Variants in ZC3H12B observed in about 807,000 individuals in gnomAD.
ZC3H12B encodes probable ribonuclease ZC3H12B.
A neutral mutation model predicts 43.9 loss-of-function variants in ZC3H12B; 7 were observed. That is an observed-to-expected ratio of 0.16 (90% CI 0.09 to 0.30). ZC3H12B has a LOEUF of 0.30. ZC3H12B is among the 10% of genes least tolerant of loss of function. ZC3H12B has a pLI of 1.00. For synonymous variants in ZC3H12B, 222 were observed against 241.7 expected, an observed-to-expected ratio of 0.92 and a Z score of 0.76; for missense variants, 475 against 670.2, an observed-to-expected ratio of 0.71 and a Z score of 3.22.
chrX:65,073,558 C>T, the ZC3H12B span, among the ~76,000 whole-genome samples: 2 of 111,893 alleles, frequency 1.8e-5, no homozygotes, highest in Admixed American at 1.9e-4. Context: ...TATGACAGTT[C>T]CCCTAGAGCT....
At chrX:65,357,986 G>C in the ZC3H12B span, among the ~76,000 whole-genome samples, 2 of 104,931 alleles carry the variant, frequency 1.9e-5, no homozygotes, top group Admixed American at 2.0e-4. Flanking sequence ...CAAAATAAAG[G>C]AATGGATGAA....
chrX:65,297,928 A>G, the ZC3H12B span, among the ~76,000 whole-genome samples: 1 of 112,018 alleles, frequency 8.9e-6, no homozygotes, highest in African/African-American at 3.2e-5. Flanking sequence ...GGGTGCTGGG[A>G]TAATTGGCAA....
At chrX:65,186,222 G>A in the ZC3H12B span, 2 of 111,335 alleles carry the variant, frequency 1.8e-5, no homozygotes, top group African/African-American at 6.5e-5. Context: ...GCTGGGTGCA[G>A]TGGCTCACAC....
chrX:65,213,134 A>C, the ZC3H12B span, among the ~76,000 whole-genome samples: 1 of 108,696 alleles, frequency 9.2e-6, no homozygotes, highest in Non-Finnish European at 1.9e-5. Flanking sequence ...TTTTCTGTGC[A>C]TATATTATAA....
chrX:65,081,962 A>T, the ZC3H12B span, among the ~76,000 whole-genome samples: 2 of 112,156 alleles, frequency 1.8e-5, no homozygotes, highest in African/African-American at 6.5e-5. Flanking sequence ...AATCGATAAC[A>T]AGAGGAATTT....
chrX:65,387,467 G>T (rs760086841), intron 2 of ZC3H12B, among the ~76,000 whole-genome samples: 26 of 111,480 alleles, frequency 2.3e-4, no homozygotes, highest in African/African-American at 8.1e-4. Context: ...TGTAACCCCT[G>T]CCTTTTTCTG....
the ZC3H12B span, among the ~76,000 whole-genome samples, chrX:65,247,940 C>A: frequency 1.8e-5 from 2 of 111,876 alleles, no homozygotes; most frequent in African/African-American, 6.5e-5. Context: ...TGCTAACATG[C>A]CTTAAAAACT....
the ZC3H12B span, among the ~76,000 whole-genome samples, chrX:65,358,707 AC>A: frequency 9.0e-6 from 1 of 111,712 alleles, no homozygotes; most frequent in Non-Finnish European, 1.9e-5. Context: ...AACTTATAGC[AC>A]TAAATGCCCA....
chrX:65,138,351 G>T, the ZC3H12B span, among the ~76,000 whole-genome samples: 1 of 110,588 alleles, frequency 9.0e-6, no homozygotes. Context: ...TTTTTGCCTG[G>T]CTTATTTTAT....
intron 2 of ZC3H12B, among the ~76,000 whole-genome samples, chrX:65,384,525 A>AT (rs892529925): frequency 9.0e-6 from 1 of 110,870 alleles, no homozygotes; most frequent in African/African-American, 3.3e-5. Context: ...TAATAAATAA[A>AT]TTTTTTTTAA....
the ZC3H12B span, among the ~76,000 whole-genome samples, chrX:65,195,457 C>G: frequency 1.8e-5 from 2 of 112,074 alleles, no homozygotes; most frequent in Non-Finnish European, 3.8e-5. Context: ...AATAAAAACT[C>G]TACACTTTAA....
intron 3 of ZC3H12B, among the ~76,000 whole-genome samples, chrX:65,447,483 A>G (rs2067393775): frequency 8.9e-6 from 1 of 112,166 alleles, no homozygotes; most frequent in South Asian, 3.6e-4. Flanking sequence ...AACTATAAAA[A>G]TTCTAGAAGA....
At chrX:65,189,716 G>C in the ZC3H12B span, among the ~76,000 whole-genome samples, 4 of 108,358 alleles carry the variant, frequency 3.7e-5, no homozygotes, top group African/African-American at 1.4e-4. Context: ...CAGATGAGTA[G>C]GTTGCGAAAA....
chrX:65,214,033 G>A, the ZC3H12B span, among the ~76,000 whole-genome samples: 1 of 110,751 alleles, frequency 9.0e-6, no homozygotes, highest in Non-Finnish European at 1.9e-5. Flanking sequence ...GTGTGAAATA[G>A]CATTGTGTCT....
the ZC3H12B span, among the ~76,000 whole-genome samples, chrX:65,087,122 C>T: frequency 2.7e-5 from 3 of 110,493 alleles, no homozygotes; most frequent in African/African-American, 6.6e-5. Flanking sequence ...CATTTAGCTC[C>T]GATACCCACA....
At chrX:65,228,289 G>A in the ZC3H12B span, among the ~76,000 whole-genome samples, 2 of 111,334 alleles carry the variant, frequency 1.8e-5, no homozygotes, top group African/African-American at 6.5e-5. Context: ...AAACCACCTG[G>A]TTATCTCAAT....
At chrX:65,200,596 C>G in the ZC3H12B span, among the ~76,000 whole-genome samples, 2 of 107,963 alleles carry the variant, frequency 1.9e-5, no homozygotes, top group Admixed American at 2.0e-4. Flanking sequence ...CCACACCAGG[C>G]TAATTTTTTT....
the ZC3H12B span, among the ~76,000 whole-genome samples, chrX:65,104,763 G>T: frequency 8.9e-6 from 1 of 111,780 alleles, no homozygotes; most frequent in South Asian, 3.8e-4. Flanking sequence ...AACAGATGCT[G>T]GGGAAGATGT....
chrX:65,125,035 G>T, the ZC3H12B span, among the ~76,000 whole-genome samples: 1 of 110,047 alleles, frequency 9.1e-6, no homozygotes, highest in Non-Finnish European at 1.9e-5. Flanking sequence ...TTTGGGTTTG[G>T]ATTTTTCTTG....
Sources: gnomAD v4.1 joint callset for allele counts (sites outside exome capture counted in the v4.1 genomes callset) on GRCh38, gnomAD v4.1.1 for gene constraint, MANE v1.5 for transcripts, NCBI Gene and HGNC (gene_info 2026-07-23, HGNC 2026-07-21) for gene names.